Variants in SNAP91 observed in about 807,000 individuals in gnomAD.
SNAP91 encodes synaptosome associated protein 91.
In SNAP91, 27 loss-of-function variants were observed where a neutral mutation model predicts 100.3. That is an observed-to-expected ratio of 0.27 (90% confidence interval 0.20 to 0.37). The LOEUF is 0.37. Among genes scored for constraint, SNAP91 ranks in the 10% least tolerant of loss-of-function variants. The pLI, the probability that SNAP91 is intolerant of heterozygous loss-of-function variation, is 1.00. For synonymous variants in SNAP91, 404 were observed against 398.6 expected (o/e 1.01, Z -0.16); for missense variants, 986 against 1,123.7 (o/e 0.88, Z 1.75).
intron 2 of SNAP91, among the ~76,000 whole-genome samples, chr6:83,696,759 T>C (rs1261109928): frequency 6.6e-6 from 1 of 152,160 alleles, no homozygotes; most frequent in East Asian, 1.9e-4. Flanking sequence ...TGAATTCTTT[T>C]TGAATCACCT....
intron 2 of SNAP91, among the ~76,000 whole-genome samples, chr6:83,673,162 ATTCC>A (rs1306378046): frequency 3.3e-5 from 5 of 151,730 alleles, no homozygotes; most frequent in South Asian, 2.1e-4. Context: ...TTTACATCTC[ATTCC>A]TTCCTTCTTC....
At chr6:83,647,899 AGG>A (rs2098014248) in intron 7 of SNAP91, among the ~76,000 whole-genome samples, 1 of 152,178 alleles carries the variant, frequency 6.6e-6, no homozygotes, top group Admixed American at 6.5e-5. Flanking sequence ...GTATCTAATA[AGG>A]GCCTTCTTGC....
intron 2 of SNAP91, chr6:83,690,557 C>A: frequency 7.5e-6 from 3 of 400,912 alleles, no homozygotes; most frequent in Non-Finnish European, 8.8e-6. Flanking sequence ...GACTAACGTA[C>A]CTCTAAAGAA....
At chr6:83,704,885 G>A (rs1253386337) in intron 2 of SNAP91, among the ~76,000 whole-genome samples, 1 of 152,090 alleles carries the variant, frequency 6.6e-6, no homozygotes, top group Non-Finnish European at 1.5e-5. Flanking sequence ...CCAACTACTT[G>A]AGAATCTTCA....
intron 4 of SNAP91, 134 bp from the exon 5 acceptor site, chr6:83,661,738 C>G: frequency 2.2e-6 from 1 of 446,960 alleles, no homozygotes; most frequent in Non-Finnish European, 3.9e-6. Context: ...TCAGATAGAT[C>G]TCATTTAAAA....
intron 22 of SNAP91, among the ~76,000 whole-genome samples, chr6:83,584,422 G>C (rs542123953): frequency 2.0e-5 from 3 of 152,128 alleles, no homozygotes; most frequent in African/African-American, 7.2e-5. Flanking sequence ...GAAAAAGAGT[G>C]CATTTACCTA....
chr6:83,648,679 C>T lies in SNAP91; in HGVS notation c.659-7477G>A, dbSNP rs547790301. Among the ~76,000 whole-genome samples the T allele has an allele frequency of 3.2e-4, 49 of 152,228 alleles. No individual in the cohort carries two copies. The East Asian group carries it at 8.9e-3, about 28-fold the overall frequency. On this transcript the variant is annotated intron_variant, in intron 7 of 29. Transcript: ENST00000369694. ...AGTCTAGTAGGTCCAAGAGGTATCT[C>T]ACTGTGATTTTAGTTTACATTTCCT...
chr6:83,586,920 C>T (rs6454336), intron 22 of SNAP91, among the ~76,000 whole-genome samples: 6,539 of 151,910 alleles, frequency 0.043, 469 homozygotes, highest in African/African-American at 0.15. Flanking sequence ...ATACTGCATG[C>T]ACCAAACACC....
chr6:83,586,013 C>A (rs1178758407), intron 22 of SNAP91, among the ~76,000 whole-genome samples: 1 of 151,996 alleles, frequency 6.6e-6, no homozygotes, highest in Non-Finnish European at 1.5e-5. Flanking sequence ...CTACACCCAG[C>A]TAATTTTTGT....
intron 12 of SNAP91, among the ~76,000 whole-genome samples, chr6:83,608,428 G>GTCAAT (rs1473470280): frequency 1.3e-5 from 2 of 152,032 alleles, no homozygotes; most frequent in Admixed American, 6.6e-5. Flanking sequence ...GGTATTAATA[G>GTCAAT]TCAATTAATA....
rs1259900803 is a variant in SNAP91 at position 83,691,360 on chromosome 6, A to C, written c.130+16438T>G. Among the ~76,000 whole-genome samples the C allele has an allele frequency of 7.9e-5, 12 of 152,294 alleles. No individual in the cohort carries two copies. The East Asian group carries it at 2.1e-3, about 27-fold the overall frequency. ...ATGAATATCAGTAACCTTATTTACTAACTAAATTCTGTTATATGGTTCTAC... is the reference window on the plus strand; with the variant it reads ...ATGAATATCAGTAACCTTATTTACTCACTAAATTCTGTTATATGGTTCTAC... On this transcript the variant is annotated intron_variant, in intron 2 of 29. Coordinates refer to ENST00000369694, the MANE Select transcript of SNAP91 (RefSeq NM_001242792.2).
intron 26 of SNAP91, among the ~76,000 whole-genome samples, chr6:83,562,411 G>A (rs1256642599): frequency 1.3e-5 from 2 of 152,026 alleles, no homozygotes; most frequent in Admixed American, 6.6e-5. Context: ...CATATTAATA[G>A]AATAAAAGAA....
intron 7 of SNAP91, among the ~76,000 whole-genome samples, chr6:83,646,584 C>T (rs1275129796): frequency 6.6e-6 from 1 of 152,082 alleles, no homozygotes; most frequent in African/African-American, 2.4e-5. Flanking sequence ...TTGCCAATAC[C>T]ACAATATCTT....
intron 2 of SNAP91, among the ~76,000 whole-genome samples, chr6:83,699,244 T>C (rs1278131521): frequency 6.6e-6 from 1 of 152,130 alleles, no homozygotes; most frequent in African/African-American, 2.4e-5. Context: ...CAGAACTTCA[T>C]GTGATAGATC....
intron 16 of SNAP91, among the ~76,000 whole-genome samples, chr6:83,596,010 A>C (rs1467709429): frequency 2.0e-5 from 3 of 152,204 alleles, no homozygotes; most frequent in Non-Finnish European, 2.9e-5. Context: ...TTATGGATTA[A>C]TCTGATCTGA....
chr6:83,644,815 C>T (rs747021811), intron 7 of SNAP91, among the ~76,000 whole-genome samples: 14 of 152,098 alleles, frequency 9.2e-5, no homozygotes, highest in East Asian at 5.8e-4. Context: ...GTATTGGTCA[C>T]GAAATCCTTG....
chr6:83,579,237 A>T (rs928458462), intron 24 of SNAP91, among the ~76,000 whole-genome samples: 1 of 152,088 alleles, frequency 6.6e-6, no homozygotes, highest in Non-Finnish European at 1.5e-5. Flanking sequence ...TTCAGCTGGG[A>T]TCATTCTCAA....
intron 2 of SNAP91, chr6:83,690,171 C>T (rs527988308): frequency 4.3e-5 from 24 of 562,230 alleles, no homozygotes; most frequent in Middle Eastern, 8.6e-4. Context: ...ATTATGGTTA[C>T]GAAAGCAATA....
chr6:83,570,159 A>C (rs528395881), intron 26 of SNAP91, among the ~76,000 whole-genome samples: 2 of 152,162 alleles, frequency 1.3e-5, no homozygotes, highest in African/African-American at 4.8e-5. Context: ...ATTGGAGTGA[A>C]GGTGATTCTT....
Sources: allele counts gnomAD v4.1 joint callset (sites outside exome capture counted in the v4.1 genomes callset), GRCh38; gene constraint gnomAD v4.1.1; transcripts MANE v1.5; gene names NCBI Gene and HGNC (gene_info 2026-07-23, HGNC 2026-07-21).